The following MYOM2 variants were observed in gnomAD, a reference collection of about 807,000 sequenced individuals.
MYOM2 encodes the protein myomesin 2, also known as myomesin-2.
A neutral mutation model predicts 187.6 loss-of-function variants in MYOM2; 254 were observed. That is an observed-to-expected ratio of 1.35 (90% confidence interval 1.22 to 1.50). The LOEUF is 1.50. Ranked by LOEUF, MYOM2 falls within the 40% of genes most tolerant of loss-of-function variation. The pLI is 0.00. For missense variants in MYOM2, 2,796 were observed against 1,924.0 expected (o/e 1.45, Z -8.48); for synonymous variants, 981 against 753.8 (o/e 1.30, Z -4.94).
At chr8:2,057,855 C>A in intron 5 of MYOM2, 75 bp downstream of exon 5, 4 of 1,521,102 alleles carry the variant, frequency 2.6e-6, no homozygotes, top group South Asian at 1.2e-5. Flanking sequence ...GTTAAGGAGA[C>A]AAACGCCATT....
At position 2,117,911 on chromosome 8, in the gene MYOM2, TGG is replaced by T. The variant is rs747173840; in HGVS notation, c.3414_3415del (p.Trp1138Ter). ...CCCTCATTTTGCTGAGTACTTGCAC[TGG>T]GATGTCACGGAAGAATGTGAAGTTC... ...QGPHFAEYLH[W>X]DVTEECEVRL... On this transcript the variant is annotated frameshift_variant, in exon 28 of 37. Transcript: ENST00000262113. LOFTEE classifies it high-confidence loss of function. 86 of 1,613,440 alleles carry T rather than the reference TGG, an allele frequency of 5.3e-5. No homozygotes were observed. The highest frequency in any genetic ancestry group is 7.0e-5 in the Non-Finnish European group (83 of 1,179,770).
intron 31 of MYOM2, among the ~76,000 whole-genome samples, chr8:2,127,359 C>G (rs1585954817): frequency 6.6e-6 from 1 of 152,136 alleles, no homozygotes; most frequent in East Asian, 1.9e-4. Context: ...AGGGACCCTC[C>G]AAGTCCTGAG....
In MYOM2 at chr8:2,072,658, G is replaced by C. The variant is rs976716225; in HGVS notation, c.958+149G>C. 3.9e-6 allele frequency: 4 copies of C among 1,031,830 alleles called. No individual in the cohort carries two copies. The Admixed American group carries it at 1.2e-4, about 30-fold the overall frequency. The allele number at this position is 1,031,830 out of a possible 1,614,324, so 63.9% of individuals were successfully genotyped here. On this transcript the variant is annotated intron_variant, in intron 9 of 36. Coordinates refer to ENST00000262113, the MANE Select transcript of MYOM2 (RefSeq NM_003970.4). ...AAACTGAGGGACTGTAGAGGACTTG[G>C]TGGCCCACCGTTCGCCTTGAACTTC...
intron 30 of MYOM2, among the ~76,000 whole-genome samples, chr8:2,123,948 T>C (rs1042236837): frequency 8.5e-5 from 13 of 152,336 alleles, no homozygotes; most frequent in East Asian, 3.9e-4. Flanking sequence ...TTCAGTTGAA[T>C]GTAGAGTTGG....
At chr8:2,050,661 G>A (rs370092593) in intron 1 of MYOM2, 94 bp from the exon 2 acceptor site, 22 of 663,200 alleles carry the variant, frequency 3.3e-5, no homozygotes, top group African/African-American at 2.7e-4. Context: ...TTTATTAACT[G>A]GAGTTCATTT....
intron 1 of MYOM2, among the ~76,000 whole-genome samples, chr8:2,048,326 C>T (rs150717824): frequency 6.6e-6 from 1 of 152,362 alleles, no homozygotes; most frequent in Non-Finnish European, 1.5e-5. Flanking sequence ...TCAGTGAGCT[C>T]TTCCCAGCAC....
chr8:2,059,337 AT>A (rs1818776742), intron 6 of MYOM2, 92 bp downstream of exon 6: 1 of 1,086,064 alleles, frequency 9.2e-7, no homozygotes, highest in African/African-American at 1.6e-5. Flanking sequence ...TGGAGGCCAA[AT>A]CACACCTGTC....
At chr8:2,053,770 G>A (rs1268763674) in intron 3 of MYOM2, among the ~76,000 whole-genome samples, 2 of 152,204 alleles carry the variant, frequency 1.3e-5, no homozygotes, top group African/African-American at 2.4e-5. Flanking sequence ...GACGGGGGAC[G>A]AAGGCTAGGC....
chr8:2,058,986 C>T (rs1818762992), intron 5 of MYOM2, among the ~76,000 whole-genome samples, 167 bp from the exon 6 acceptor site: 1 of 152,254 alleles, frequency 6.6e-6, no homozygotes, highest in Non-Finnish European at 1.5e-5. Context: ...GAAAGCAAAA[C>T]CAGTGCGAAC....
At chr8:2,096,518 A>G in intron 18 of MYOM2, 84 bp downstream of exon 18, 2 of 1,333,368 alleles carry the variant, frequency 1.5e-6, no homozygotes, top group Non-Finnish European at 1.0e-6. Context: ...TGATGACATT[A>G]GATAGTTTGA....
At chr8:2,134,638 C>T (rs1023519208) in intron 32 of MYOM2, among the ~76,000 whole-genome samples, 1 of 152,116 alleles carries the variant, frequency 6.6e-6, no homozygotes, top group Non-Finnish European at 1.5e-5. Flanking sequence ...CTCTGTGCAT[C>T]TCCTCATTCA....
In MYOM2 at chr8:2,106,336, G is replaced by C; in HGVS notation, c.2829G>C (p.Trp943Cys). 6.2e-7 allele frequency: 1 copy of C among 1,614,202 alleles called. No homozygotes were observed. The highest frequency in any genetic ancestry group is 8.5e-7 in the Non-Finnish European group (1 of 1,180,016). The change falls in exon 22 of 37, where the codon TGG becomes TGC. Residue 943 changes from tryptophan to cysteine, a missense_variant. Physicochemically the swap from Trp to Cys is radical, Grantham distance 215. Coordinates refer to ENST00000262113, the MANE Select transcript of MYOM2 (RefSeq NM_003970.4). ...QEMTDASQFT[W>C]CKSYEEISDD... ...TGACAGACGCGTCTCAGTTCACCTG[G>C]TGTAAATCCTACGAGGAGATTTCAG...
At chr8:2,091,610 A>G (rs1550455) in intron 15 of MYOM2, among the ~76,000 whole-genome samples, 129,004 of 152,198 alleles carry the variant, frequency 0.85, 55,160 homozygotes, top group South Asian at 0.94. Context: ...GGAAATGAAC[A>G]AGGTCACGAG....
At chr8:2,106,013 G>C (rs946045034) in intron 21 of MYOM2, among the ~76,000 whole-genome samples, 6 of 152,176 alleles carry the variant, frequency 3.9e-5, no homozygotes, top group African/African-American at 1.4e-4. Context: ...GGGAATGCCA[G>C]GTGCTTCTAA....
In MYOM2 at chr8:2,115,992, C is replaced by G; in HGVS notation, c.3213C>G (p.Gly1071=). The change falls in exon 26 of 37, where the codon GGC becomes GGG. Residue 1071 remains glycine (G), a synonymous_variant. Transcript: ENST00000262113. ...GAATTAAATGTGACAAAGCTACTGGCATTATTGAGATGGTGATGGATCGAT... is the reference window on the plus strand; with the variant it reads ...GAATTAAATGTGACAAAGCTACTGGGATTATTGAGATGGTGATGGATCGAT... ...IHRIKCDKAT[G]IIEMVMDRFS... is the part of the protein sequence containing the mutation. 1 of 1,613,932 alleles carries G rather than the reference C, an allele frequency of 6.2e-7. No homozygotes were observed. The highest frequency in any genetic ancestry group is 8.5e-7 in the Non-Finnish European group (1 of 1,179,966).
chr8:2,142,299 C>T, intron 34 of MYOM2, 76 bp from the exon 35 acceptor site: 1 of 1,401,654 alleles, frequency 7.1e-7, no homozygotes, highest in Admixed American at 1.7e-5. Context: ...GTGAGCCTCT[C>T]AGCTGTGCAT....
At position 2,063,557 on chromosome 8, in the gene MYOM2, A is replaced by G. The variant is rs574906796; in HGVS notation, c.653+4312A>G. Among the ~76,000 whole-genome samples the G allele has an allele frequency of 2.6e-5, 4 of 152,366 alleles. No individual in the cohort carries two copies. The South Asian group carries it at 6.2e-4, about 24-fold the overall frequency. On this transcript the variant is annotated intron_variant, in intron 6 of 36. Transcript: ENST00000262113. Reference sequence around the variant, plus strand: ...AATAGAACAATCTATCTGGTTTTCTATCAGTAACGTGCTCACTCCCCATTC... The same window carrying G: ...AATAGAACAATCTATCTGGTTTTCTGTCAGTAACGTGCTCACTCCCCATTC...
chr8:2,120,689 A>AACATATATATATTATATAT (rs1554432196), intron 28 of MYOM2, among the ~76,000 whole-genome samples: 1 of 42,416 alleles, frequency 2.4e-5, no homozygotes, highest in Non-Finnish European at 4.7e-5. Flanking sequence ...ATTATATATA[A>AACATATATATATTATATAT]ATATATAATA....
intron 3 of MYOM2, among the ~76,000 whole-genome samples, chr8:2,054,739 C>A (rs185310555): frequency 6.6e-6 from 1 of 152,200 alleles, no homozygotes; most frequent in Admixed American, 6.5e-5. Context: ...TGCTGCGTGG[C>A]GCAGACCAAG....
Sources: gnomAD v4.1 joint callset for allele counts (sites outside exome capture counted in the v4.1 genomes callset) on GRCh38, gnomAD v4.1.1 for gene constraint, MANE v1.5 for transcripts, NCBI Gene and HGNC (gene_info 2026-07-23, HGNC 2026-07-21) for gene names.